MDGA2: variants seen among roughly 807,000 people sequenced by gnomAD.
The protein encoded by MDGA2 is MAM domain containing glycosylphosphatidylinositol anchor 2.
Under a neutral mutation model 117.8 loss-of-function variants are expected in MDGA2, and 40 were observed. The ratio of observed to expected loss-of-function variants is 0.34; its 90% CI spans 0.26 to 0.44. MDGA2 has a LOEUF of 0.44. MDGA2 is among the 20% of genes least tolerant of loss of function. The pLI is 1.00. For synonymous variants in MDGA2, 452 were observed against 439.0 expected (o/e 1.03, Z -0.37); for missense variants, 1,123 against 1,250.6 (o/e 0.90, Z 1.54).
chr14:47,309,142 G>A (rs1296065130), intron 1 of MDGA2, among the ~76,000 whole-genome samples: 1 of 151,994 alleles, frequency 6.6e-6, no homozygotes. Context: ...AAATCTTTCT[G>A]TAATTGTCAT....
intron 7 of MDGA2, among the ~76,000 whole-genome samples, chr14:47,045,548 G>A (rs528078252): frequency 1.3e-5 from 2 of 152,038 alleles, no homozygotes; most frequent in East Asian, 3.9e-4. Context: ...TAAGTAAACA[G>A]GAGCAAGATA....
intron 14 of MDGA2, among the ~76,000 whole-genome samples, chr14:46,865,628 A>T (rs999063125): frequency 1.3e-5 from 2 of 152,046 alleles, no homozygotes; most frequent in Admixed American, 6.6e-5. Context: ...ACATGATTGT[A>T]TATCTAGAAA....
chr14:47,133,121 ACAAAC>A (rs1346338793), intron 4 of MDGA2, among the ~76,000 whole-genome samples: 14 of 151,460 alleles, frequency 9.2e-5, no homozygotes, highest in African/African-American at 3.1e-4. Context: ...AAAAAAAAAA[ACAAAC>A]AAACAAAAAA....
intron 14 of MDGA2, among the ~76,000 whole-genome samples, chr14:46,865,407 A>G (rs1411115822): frequency 6.6e-6 from 1 of 152,136 alleles, no homozygotes; most frequent in Non-Finnish European, 1.5e-5. Context: ...AATAAGAGCT[A>G]TCTATGACAA....
intron 1 of MDGA2, among the ~76,000 whole-genome samples, chr14:47,585,264 C>A (rs1022565102): frequency 3.3e-5 from 5 of 151,874 alleles, no homozygotes; most frequent in South Asian, 4.1e-4. Context: ...GCCTTTTCCC[C>A]AACTCTCCAG....
At chr14:47,250,944 T>C (rs1887425161) in intron 2 of MDGA2, among the ~76,000 whole-genome samples, 1 of 152,202 alleles carries the variant, frequency 6.6e-6, no homozygotes, top group South Asian at 2.1e-4. Flanking sequence ...GCCACTATTA[T>C]TATCTCACCT....
At chr14:47,090,092 CT>C (rs927036527) in intron 6 of MDGA2, among the ~76,000 whole-genome samples, 17 of 152,020 alleles carry the variant, frequency 1.1e-4, no homozygotes, top group African/African-American at 3.4e-4. Context: ...ATTAGCAGTG[CT>C]AATATTTGGC....
intron 6 of MDGA2, among the ~76,000 whole-genome samples, chr14:47,088,347 A>G (rs75302298): frequency 0.017 from 2,650 of 152,238 alleles, 63 homozygotes; most frequent in African/African-American, 0.061. Context: ...TTAAATTGGG[A>G]AAAGAGAAAT....
intron 11 of MDGA2, 137 bp downstream of exon 11, chr14:46,881,907 T>A: frequency 2.1e-6 from 1 of 478,900 alleles, no homozygotes; most frequent in Non-Finnish European, 3.5e-6. Flanking sequence ...GTTTTTTTGT[T>A]TAGTTAACTG....
intron 6 of MDGA2, among the ~76,000 whole-genome samples, chr14:47,085,922 C>T (rs1489461685): frequency 6.6e-6 from 1 of 152,002 alleles, no homozygotes; most frequent in East Asian, 1.9e-4. Context: ...GAAAGTAACA[C>T]TGATTTTACA....
At chr14:47,535,413 T>C (rs1429363054) in intron 1 of MDGA2, among the ~76,000 whole-genome samples, 1 of 152,206 alleles carries the variant, frequency 6.6e-6, no homozygotes, top group Non-Finnish European at 1.5e-5. Flanking sequence ...GGAATGGAAG[T>C]AATGTCATGT....
intron 14 of MDGA2, among the ~76,000 whole-genome samples, chr14:46,868,467 A>G (rs1881865937): frequency 6.6e-6 from 1 of 151,900 alleles, no homozygotes; most frequent in South Asian, 2.1e-4. Flanking sequence ...TTCAGGCACA[A>G]GAGAGCTTTA....
chr14:47,100,059 C>T (rs1880214849), intron 5 of MDGA2, among the ~76,000 whole-genome samples: 1 of 151,756 alleles, frequency 6.6e-6, no homozygotes, highest in African/African-American at 2.4e-5. Context: ...GCAGAAATAT[C>T]TCTACCATTT....
chr14:47,618,773 C>T (rs1170961466), intron 1 of MDGA2, among the ~76,000 whole-genome samples: 1 of 152,154 alleles, frequency 6.6e-6, no homozygotes, highest in Non-Finnish European at 1.5e-5. Flanking sequence ...AAAAACTAAG[C>T]CATGATGACG....
chr14:46,913,156 C>T lies in MDGA2; in HGVS notation c.2238+6856G>A, dbSNP rs569560421. 9.2e-5 allele frequency among the ~76,000 whole-genome samples: 14 copies of T among 152,214 alleles called. No homozygotes were observed. The South Asian group carries it at 2.7e-3, about 29-fold the overall frequency. ...AAAATTCAAGTTCTGCCTATTTTAACGTTTTCTTAATTCCATTTTTCTTCT... is the reference window on the plus strand; with the variant it reads ...AAAATTCAAGTTCTGCCTATTTTAATGTTTTCTTAATTCCATTTTTCTTCT... On this transcript the variant is annotated intron_variant, in intron 10 of 16. Coordinates refer to ENST00000399232, the MANE Select transcript of MDGA2 (RefSeq NM_001113498.3).
chr14:47,377,504 A>G (rs942285909), intron 1 of MDGA2, among the ~76,000 whole-genome samples: 1 of 151,972 alleles, frequency 6.6e-6, no homozygotes, highest in Non-Finnish European at 1.5e-5. Context: ...AAATCGGGAC[A>G]CTCCCACCCT....
chr14:47,112,674 C>T (rs945032695), intron 5 of MDGA2, among the ~76,000 whole-genome samples: 37 of 152,070 alleles, frequency 2.4e-4, no homozygotes, highest in Admixed American at 4.6e-4. Flanking sequence ...CATGTCTTTG[C>T]TATTGGAAAC....
At chr14:47,362,129 C>T (rs185072550) in intron 1 of MDGA2, among the ~76,000 whole-genome samples, 64 of 152,134 alleles carry the variant, frequency 4.2e-4, no homozygotes, top group Middle Eastern at 3.4e-3. Flanking sequence ...GCCTTCTATC[C>T]CAAGTGGCCT....
intron 9 of MDGA2, among the ~76,000 whole-genome samples, chr14:46,948,277 C>T (rs1257587223): frequency 6.6e-6 from 1 of 151,904 alleles, no homozygotes; most frequent in Non-Finnish European, 1.5e-5. Context: ...AATTGTTTTG[C>T]TCATGATTTT....
Sources: allele counts gnomAD v4.1 joint callset (sites outside exome capture counted in the v4.1 genomes callset), GRCh38; gene constraint gnomAD v4.1.1; transcripts MANE v1.5; gene names NCBI Gene and HGNC (gene_info 2026-07-23, HGNC 2026-07-21).